Variants in PALM2AKAP2 observed in about 807,000 individuals in gnomAD.
PALM2AKAP2 encodes PALM2 and AKAP2 fusion.
Under a neutral mutation model 71.5 loss-of-function variants are expected in PALM2AKAP2, and 37 were observed. That is an observed-to-expected ratio of 0.52 (90% CI 0.40 to 0.68). The LOEUF (loss-of-function observed/expected upper bound fraction) is 0.68, where lower values mean the gene tolerates loss of function less well. PALM2AKAP2 is among the 30% of genes least tolerant of loss of function. PALM2AKAP2 has a pLI of 0.00. For synonymous variants in PALM2AKAP2, 468 were observed against 478.8 expected, an observed-to-expected ratio of 0.98 and a Z score of 0.29; for missense variants, 1,224 against 1,191.8, an observed-to-expected ratio of 1.03 and a Z score of -0.40.
chr9:109,872,441 C>T (rs1295810647), intron 2 of PALM2AKAP2, among the ~76,000 whole-genome samples: 2 of 152,248 alleles, frequency 1.3e-5, no homozygotes, highest in African/African-American at 2.4e-5. Context: ...ACATGAATTC[C>T]TTGGAGACTG....
chr9:110,140,787 C>T (rs1249990282), intron 2 of PALM2AKAP2, among the ~76,000 whole-genome samples: 1 of 152,220 alleles, frequency 6.6e-6, no homozygotes, highest in Non-Finnish European at 1.5e-5. Context: ...TTCACCAACA[C>T]CCTCCTTACC....
chr9:109,692,255 G>A (rs985559335), intron 1 of PALM2AKAP2, among the ~76,000 whole-genome samples: 1 of 151,288 alleles, frequency 6.6e-6, no homozygotes, highest in African/African-American at 2.4e-5. Flanking sequence ...ATCATAGTTG[G>A]TACTACCTAG....
intron 1 of PALM2AKAP2, among the ~76,000 whole-genome samples, chr9:109,786,553 T>A (rs974083850): frequency 1.1e-4 from 17 of 152,220 alleles, no homozygotes; most frequent in African/African-American, 4.1e-4. Context: ...ATATTGGTGC[T>A]GAGGAAGGGT....
At chr9:110,027,760 T>C (rs989922704) in intron 7 of PALM2AKAP2, among the ~76,000 whole-genome samples, 1 of 152,210 alleles carries the variant, frequency 6.6e-6, no homozygotes, top group Non-Finnish European at 1.5e-5. Flanking sequence ...TTTAGACTCT[T>C]CCGGTGGTGA....
intron 1 of PALM2AKAP2, among the ~76,000 whole-genome samples, chr9:109,644,173 C>A (rs1038819242): frequency 1.3e-5 from 2 of 152,146 alleles, no homozygotes; most frequent in African/African-American, 4.8e-5. Flanking sequence ...GGGGGACATC[C>A]AATCTACATC....
intron 1 of PALM2AKAP2, among the ~76,000 whole-genome samples, chr9:109,753,065 G>A (rs1828907731): frequency 6.6e-6 from 1 of 152,128 alleles, no homozygotes; most frequent in African/African-American, 2.4e-5. Flanking sequence ...TCAAGATAAT[G>A]ATTGGTGAAC....
chr9:109,873,878 A>T (rs1376010952), intron 2 of PALM2AKAP2, among the ~76,000 whole-genome samples: 1 of 152,214 alleles, frequency 6.6e-6, no homozygotes, highest in East Asian at 1.9e-4. Flanking sequence ...ACAGTGGTTC[A>T]TGCCTGTGAT....
intron 1 of PALM2AKAP2, among the ~76,000 whole-genome samples, chr9:109,754,899 C>A (rs4978846): frequency 5.3e-5 from 8 of 151,982 alleles, no homozygotes; most frequent in African/African-American, 1.9e-4. Context: ...GCCATAGCAC[C>A]ATCCTAATAA....
At chr9:110,162,184 A>G in intron 3 of PALM2AKAP2, 52 bp downstream of exon 10, 1 of 1,606,448 alleles carries the variant, frequency 6.2e-7, no homozygotes, top group Non-Finnish European at 8.5e-7. Flanking sequence ...ATCCAGGTGC[A>G]TGCTGTTGTG....
At chr9:110,133,176 C>A (rs1392576189) in intron 1 of PALM2AKAP2, among the ~76,000 whole-genome samples, 1 of 152,198 alleles carries the variant, frequency 6.6e-6, no homozygotes, top group Non-Finnish European at 1.5e-5. Context: ...GCTCATTCAT[C>A]ATCGAGCACT....
At position 109,867,473 on chromosome 9, in the gene PALM2AKAP2, T is replaced by C; in HGVS notation, c.46-18T>C. ...AACACCCACCCACTCTTACAGCCTC[T>C]GTCTCTTTATTTTCAAGGAAAAAAG... On this transcript the variant is annotated intron_variant, in intron 1 of 9. Coordinates refer to the PALM2AKAP2 transcript ENST00000302798. 1 of 1,609,862 alleles carries C rather than the reference T, an allele frequency of 6.2e-7. No homozygotes were observed. Among genetic ancestry groups the C allele is most frequent in the Admixed American group, 1.7e-5 (1 of 59,466 alleles).
At chr9:110,088,014 A>C (rs1222120862) in intron 1 of PALM2AKAP2, among the ~76,000 whole-genome samples, 7 of 152,222 alleles carry the variant, frequency 4.6e-5, no homozygotes, top group Non-Finnish European at 1.0e-4. Context: ...AATTGTTATC[A>C]GTGGAGGGTG....
intron 1 of PALM2AKAP2, among the ~76,000 whole-genome samples, chr9:109,756,142 C>T (rs1267986218): frequency 2.0e-5 from 3 of 152,126 alleles, no homozygotes; most frequent in Non-Finnish European, 2.9e-5. Context: ...AGACTTGCAC[C>T]ATTTATATAC....
At chr9:110,101,376 ACC>A (rs1026708892) in intron 1 of PALM2AKAP2, among the ~76,000 whole-genome samples, 4 of 150,970 alleles carry the variant, frequency 2.6e-5, no homozygotes, top group Non-Finnish European at 5.9e-5. Context: ...TGTAGCCAGA[ACC>A]TTTGCTGGGA....
intron 1 of PALM2AKAP2, among the ~76,000 whole-genome samples, chr9:109,837,718 G>A (rs1448099154): frequency 6.6e-6 from 1 of 151,964 alleles, no homozygotes; most frequent in African/African-American, 2.4e-5. Context: ...AAAAAGGCAG[G>A]GGTTGCAATC....
At chr9:109,915,213 C>T (rs556740308) in intron 3 of PALM2AKAP2, among the ~76,000 whole-genome samples, 2 of 152,288 alleles carry the variant, frequency 1.3e-5, no homozygotes, top group South Asian at 2.1e-4. Flanking sequence ...GTGGGCATTA[C>T]GATGGGCCTA....
chr9:109,863,058 G>A (rs995366961), intron 1 of PALM2AKAP2: 2 of 423,750 alleles, frequency 4.7e-6, no homozygotes, highest in Non-Finnish European at 4.7e-6. Context: ...GGCAAGGGTC[G>A]GAGGTGGTCA....
At chr9:110,086,506 T>C (rs1588099660) in intron 1 of PALM2AKAP2, among the ~76,000 whole-genome samples, 1 of 152,250 alleles carries the variant, frequency 6.6e-6, no homozygotes, top group South Asian at 2.1e-4. Flanking sequence ...TACCATTTGC[T>C]GACTTTCCAA....
At chr9:109,909,156 G>GCACA (rs1383853054) in intron 3 of PALM2AKAP2, among the ~76,000 whole-genome samples, 3 of 149,992 alleles carry the variant, frequency 2.0e-5, no homozygotes, top group Non-Finnish European at 4.4e-5. Flanking sequence ...TTACACACGC[G>GCACA]CGCACGCACA....
Sources: gnomAD v4.1 joint callset for allele counts (sites outside exome capture counted in the v4.1 genomes callset) on GRCh38, gnomAD v4.1.1 for gene constraint, MANE v1.5 for transcripts, NCBI Gene and HGNC (gene_info 2026-07-23, HGNC 2026-07-21) for gene names.